PARD3: variants seen among roughly 807,000 people sequenced by gnomAD.
PARD3 encodes the protein par-3 family cell polarity regulator, also known as partitioning defective 3 homolog.
In PARD3, 75 loss-of-function variants were observed where a neutral mutation model predicts 155.4. The observed-to-expected ratio is 0.48, with a 90% CI of 0.40 to 0.58. The LOEUF (loss-of-function observed/expected upper bound fraction) is 0.58, where lower values mean the gene tolerates loss of function less well. Among genes scored for constraint, PARD3 ranks in the 20% least tolerant of loss-of-function variants. The pLI, the probability that PARD3 is intolerant of heterozygous loss-of-function variation, is 0.00. For synonymous variants in PARD3, 576 were observed against 610.5 expected, an observed-to-expected ratio of 0.94 and a Z score of 0.83; for missense variants, 1,642 against 1,721.7, an observed-to-expected ratio of 0.95 and a Z score of 0.82.
At chr10:34,585,136 T>C (rs2134294901) in intron 2 of PARD3, among the ~76,000 whole-genome samples, 1 of 152,332 alleles carries the variant, frequency 6.6e-6, no homozygotes, top group Non-Finnish European at 1.5e-5. Context: ...TTCAACTTGA[T>C]ATGTTTTCAA....
chr10:34,469,992 A>T, intron 4 of PARD3, 93 bp downstream of exon 4: 1 of 1,002,290 alleles, frequency 1.0e-6, no homozygotes, highest in East Asian at 2.6e-5. Flanking sequence ...GATGCCCTGG[A>T]ATCCAATGGT....
At chr10:34,304,091 C>G (rs1957284449) in intron 20 of PARD3, among the ~76,000 whole-genome samples, 1 of 152,058 alleles carries the variant, frequency 6.6e-6, no homozygotes, top group Non-Finnish European at 1.5e-5. Flanking sequence ...CGTTTGTGTT[C>G]TGGAGCAGGG....
chr10:34,463,428 A>G (rs2077809195), intron 4 of PARD3, among the ~76,000 whole-genome samples: 1 of 151,978 alleles, frequency 6.6e-6, no homozygotes, highest in African/African-American at 2.4e-5. Flanking sequence ...TTTGAAAGGA[A>G]TGAAGGAACA....
At chr10:34,577,947 G>A (rs975379135) in intron 2 of PARD3, among the ~76,000 whole-genome samples, 1 of 151,906 alleles carries the variant, frequency 6.6e-6, no homozygotes, top group Non-Finnish European at 1.5e-5. Context: ...AAACTCCTGG[G>A]CTCATGCGAT....
intron 22 of PARD3, among the ~76,000 whole-genome samples, chr10:34,204,152 G>A (rs1951352050): frequency 6.6e-6 from 1 of 152,198 alleles, no homozygotes; most frequent in South Asian, 2.1e-4. Context: ...CAGTATTGAT[G>A]TTAATGATAA....
At chr10:34,151,411 G>A (rs534724465) in intron 22 of PARD3, among the ~76,000 whole-genome samples, 1 of 151,030 alleles carries the variant, frequency 6.6e-6, no homozygotes, top group South Asian at 2.1e-4. Flanking sequence ...CTGCAGAGAA[G>A]AGAGGTTTTT....
At chr10:34,725,927 C>T (rs1590833496) in intron 1 of PARD3, among the ~76,000 whole-genome samples, 1 of 152,032 alleles carries the variant, frequency 6.6e-6, no homozygotes, top group African/African-American at 2.4e-5. Context: ...TTTTTTTAAT[C>T]CCACGTTCTC....
chr10:34,254,767 A>T (rs964159941), intron 22 of PARD3, among the ~76,000 whole-genome samples: 6 of 152,198 alleles, frequency 3.9e-5, no homozygotes, highest in African/African-American at 1.2e-4. Flanking sequence ...TGAGGGGTGA[A>T]TAGGTCTTAT....
At chr10:34,593,373 C>G (rs2088907200) in intron 2 of PARD3, among the ~76,000 whole-genome samples, 1 of 152,008 alleles carries the variant, frequency 6.6e-6, no homozygotes, top group Admixed American at 6.6e-5. Flanking sequence ...GAATTTATAC[C>G]AGGTGTATAA....
intron 7 of PARD3, among the ~76,000 whole-genome samples, chr10:34,396,730 A>G (rs1843384476): frequency 6.6e-6 from 1 of 152,162 alleles, no homozygotes; most frequent in Admixed American, 6.5e-5. Context: ...ATTTCTACTT[A>G]CATATCATGA....
intron 16 of PARD3, 126 bp from the exon 17 acceptor site, chr10:34,337,552 A>G (rs568307797): frequency 1.8e-4 from 79 of 436,082 alleles, no homozygotes; most frequent in African/African-American, 1.5e-3. Context: ...AAATTCAACT[A>G]AATAATACAA....
At chr10:34,417,236 G>T (rs1845758326) in intron 5 of PARD3, among the ~76,000 whole-genome samples, 2 of 152,152 alleles carry the variant, frequency 1.3e-5, no homozygotes, top group South Asian at 4.1e-4. Flanking sequence ...CTACTGTAAT[G>T]CTGTGGTCTC....
chr10:34,154,623 G>A (rs554608633), intron 22 of PARD3, among the ~76,000 whole-genome samples: 2 of 152,252 alleles, frequency 1.3e-5, no homozygotes, highest in East Asian at 1.9e-4. Flanking sequence ...AGACTAAAGC[G>A]CATTCATGGA....
rs151194029 is a variant in PARD3 at position 34,802,405 on chromosome 10, C to A, written c.120+12471G>T. Among the ~76,000 whole-genome samples, 31 of 152,140 alleles carry A rather than the reference C, an allele frequency of 2.0e-4. No homozygotes were observed. The East Asian group carries it at 5.8e-3, about 28-fold the overall frequency. ...AATTTTGCCTAATCTATGTTTGAAACTTGAAGAGAAAGAAAAAGATCTAAT... is the reference window on the plus strand; with the variant it reads ...AATTTTGCCTAATCTATGTTTGAAAATTGAAGAGAAAGAAAAAGATCTAAT... On this transcript the variant is annotated intron_variant, in intron 1 of 24. Coordinates refer to ENST00000374788, the MANE Select transcript of PARD3 (RefSeq NM_001184785.2).
intron 21 of PARD3, among the ~76,000 whole-genome samples, chr10:34,274,467 C>A (rs1169904336): frequency 6.6e-6 from 1 of 152,118 alleles, no homozygotes; most frequent in East Asian, 1.9e-4. Flanking sequence ...AAAATGAGTT[C>A]TTTCTTACAT....
chr10:34,343,523 A>T, intron 15 of PARD3: 1 of 985,314 alleles, frequency 1.0e-6, no homozygotes, highest in Middle Eastern at 5.2e-4. Flanking sequence ...CTCACCCATG[A>T]TTTGAAAGGC....
chr10:34,198,494 G>A (rs1588719527), intron 22 of PARD3, among the ~76,000 whole-genome samples: 1 of 151,340 alleles, frequency 6.6e-6, no homozygotes, highest in South Asian at 2.1e-4. Flanking sequence ...GTGTATGTGT[G>A]TGTGTGTCTG....
chr10:34,316,212 C>T (rs1957995481), intron 20 of PARD3, among the ~76,000 whole-genome samples: 1 of 152,120 alleles, frequency 6.6e-6, no homozygotes, highest in South Asian at 2.1e-4. Context: ...AATTTTAAAC[C>T]ATCACCTTGA....
At chr10:34,612,545 C>T (rs1199239958) in intron 2 of PARD3, among the ~76,000 whole-genome samples, 3 of 152,204 alleles carry the variant, frequency 2.0e-5, no homozygotes, top group African/African-American at 4.8e-5. Context: ...TGGTGCTCTA[C>T]ATGCACAGTC....
Sources: allele counts gnomAD v4.1 joint callset (sites outside exome capture counted in the v4.1 genomes callset), GRCh38; gene constraint gnomAD v4.1.1; transcripts MANE v1.5; gene names NCBI Gene and HGNC (gene_info 2026-07-23, HGNC 2026-07-21).